The following RARB variants were observed in gnomAD, a reference collection of about 807,000 sequenced individuals.
RARB encodes the protein retinoic acid receptor beta.
A neutral mutation model predicts 51.9 loss-of-function variants in RARB; 17 were observed. That is an observed-to-expected ratio of 0.33 (90% CI 0.22 to 0.49). The LOEUF (loss-of-function observed/expected upper bound fraction) is 0.49. Among genes scored for constraint, RARB ranks in the 20% least tolerant of loss-of-function variants. RARB has a pLI of 0.99. For missense variants in RARB, 369 were observed against 550.8 expected, an observed-to-expected ratio of 0.67 and a Z score of 3.30; for synonymous variants, 215 against 195.4, an observed-to-expected ratio of 1.10 and a Z score of -0.84.
intron 5 of RARB, among the ~76,000 whole-genome samples, chr3:25,353,413 AC>A (rs2125458685): frequency 6.6e-6 from 1 of 152,196 alleles, no homozygotes; most frequent in Non-Finnish European, 1.5e-5. Context: ...ATTACACTGG[AC>A]CCTTTAGATT....
chr3:25,038,275 G>A (rs140721660), intron 2 of RARB, among the ~76,000 whole-genome samples: 1 of 152,222 alleles, frequency 6.6e-6, no homozygotes, highest in Non-Finnish European at 1.5e-5. Flanking sequence ...ATGAAGTTGT[G>A]TATAACATAT....
intron 2 of RARB, among the ~76,000 whole-genome samples, chr3:24,859,827 G>GCA (rs1215284360): frequency 7.2e-5 from 11 of 152,302 alleles, no homozygotes; most frequent in African/African-American, 2.6e-4. Context: ...AGCAGCCCTG[G>GCA]ATAAGATGCA....
chr3:25,310,149 C>T (rs1704254451), intron 5 of RARB, among the ~76,000 whole-genome samples: 1 of 152,160 alleles, frequency 6.6e-6, no homozygotes, highest in Non-Finnish European at 1.5e-5. Context: ...CCCTCCAGTG[C>T]TCTTTCTTTT....
chr3:25,445,547 G>A (rs1708891855), intron 1 of RARB, among the ~76,000 whole-genome samples: 1 of 152,036 alleles, frequency 6.6e-6, no homozygotes, highest in African/African-American at 2.4e-5. Flanking sequence ...CACGCCTGTA[G>A]TCCCAGCTAC....
chr3:25,200,152 A>G (rs1440395973), intron 5 of RARB, among the ~76,000 whole-genome samples: 3 of 152,262 alleles, frequency 2.0e-5, no homozygotes, highest in Non-Finnish European at 4.4e-5. Flanking sequence ...CTGGTGTGAG[A>G]TGGTATCTCA....
At chr3:25,442,859 C>A (rs771857396) in intron 1 of RARB, among the ~76,000 whole-genome samples, 1 of 152,046 alleles carries the variant, frequency 6.6e-6, no homozygotes, top group Non-Finnish European at 1.5e-5. Flanking sequence ...TGGAGACATA[C>A]GATGTCTATT....
chr3:25,554,999 G>A (rs968852239), intron 3 of RARB, among the ~76,000 whole-genome samples: 4 of 152,102 alleles, frequency 2.6e-5, no homozygotes, highest in African/African-American at 9.7e-5. Flanking sequence ...GAGCACTCTC[G>A]GTCCAATCAC....
chr3:25,099,996 C>T (rs574078046), intron 3 of RARB, among the ~76,000 whole-genome samples: 3 of 152,286 alleles, frequency 2.0e-5, no homozygotes, highest in Admixed American at 2.0e-4. Flanking sequence ...TCACTTGGCC[C>T]GTTTTCTACT....
intron 5 of RARB, among the ~76,000 whole-genome samples, chr3:25,346,730 G>A (rs1417885797): frequency 6.6e-6 from 1 of 152,136 alleles, no homozygotes; most frequent in Non-Finnish European, 1.5e-5. Flanking sequence ...GCTGTTTGAG[G>A]CCCCCTACAA....
At chr3:25,285,074 G>C (rs1412218511) in intron 5 of RARB, among the ~76,000 whole-genome samples, 3 of 152,162 alleles carry the variant, frequency 2.0e-5, no homozygotes, top group Non-Finnish European at 4.4e-5. Flanking sequence ...TACTGTGTTA[G>C]ATAGAGGGAG....
At chr3:24,998,894 T>C (rs931112373) in intron 2 of RARB, among the ~76,000 whole-genome samples, 1 of 152,148 alleles carries the variant, frequency 6.6e-6, no homozygotes, top group African/African-American at 2.4e-5. Context: ...ACATAATAAA[T>C]ATTGTGCTAG....
chr3:24,891,074 G>A (rs1703368657), intron 2 of RARB, among the ~76,000 whole-genome samples: 1 of 152,136 alleles, frequency 6.6e-6, no homozygotes, highest in Admixed American at 6.5e-5. Context: ...AGTCTGTCTG[G>A]AAAGTTGTGA....
intron 2 of RARB, among the ~76,000 whole-genome samples, chr3:24,930,366 C>T (rs376332354): frequency 6.6e-6 from 1 of 151,950 alleles, no homozygotes; most frequent in African/African-American, 2.4e-5. Flanking sequence ...GTGAGTGCTG[C>T]TAGAACTGCA....
intron 2 of RARB, among the ~76,000 whole-genome samples, chr3:25,005,395 G>C (rs1017088567): frequency 6.6e-6 from 1 of 152,154 alleles, no homozygotes; most frequent in Non-Finnish European, 1.5e-5. Context: ...CAAGCTGTCA[G>C]CTAGGACTGA....
chr3:25,396,042 C>T (rs1707104056), intron 5 of RARB, among the ~76,000 whole-genome samples: 1 of 152,190 alleles, frequency 6.6e-6, no homozygotes, highest in Non-Finnish European at 1.5e-5. Flanking sequence ...TATTTTGTCC[C>T]ACAGGGTGAT....
At chr3:25,421,532 C>T (rs915449173) in intron 5 of RARB, among the ~76,000 whole-genome samples, 3 of 150,490 alleles carry the variant, frequency 2.0e-5, no homozygotes, top group Admixed American at 1.3e-4. Flanking sequence ...CTGCCTTAGC[C>T]TCCCGCGTAG....
At chr3:24,978,769 T>C (rs1696575299) in intron 2 of RARB, among the ~76,000 whole-genome samples, 1 of 152,270 alleles carries the variant, frequency 6.6e-6, no homozygotes, top group Non-Finnish European at 1.5e-5. Flanking sequence ...TGCTCTGATC[T>C]TAGTTATTTC....
intron 3 of RARB, among the ~76,000 whole-genome samples, chr3:25,129,618 T>G (rs994437433): frequency 2.6e-5 from 4 of 152,114 alleles, no homozygotes; most frequent in Non-Finnish European, 5.9e-5. Flanking sequence ...TATCAGAGTA[T>G]GACTCATCTC....
At chr3:25,368,218 A>G (rs1706188398) in intron 5 of RARB, among the ~76,000 whole-genome samples, 1 of 152,132 alleles carries the variant, frequency 6.6e-6, no homozygotes, top group Non-Finnish European at 1.5e-5. Flanking sequence ...AGCAGAATCC[A>G]AATTTGTTTA....
Sources: allele counts gnomAD v4.1 joint callset (sites outside exome capture counted in the v4.1 genomes callset), GRCh38; gene constraint gnomAD v4.1.1; transcripts MANE v1.5; gene names NCBI Gene and HGNC (gene_info 2026-07-23, HGNC 2026-07-21).